The following PRKCA variants were observed in gnomAD, a reference collection of about 807,000 sequenced individuals.
The protein encoded by PRKCA is protein kinase C alpha, also known as protein kinase C alpha type.
In PRKCA, 27 loss-of-function variants were observed where a neutral mutation model predicts 87.0. The observed-to-expected ratio is 0.31, with a 90% CI of 0.23 to 0.43. The LOEUF is 0.43. PRKCA is among the 20% of genes least tolerant of loss of function. The pLI is 1.00. For synonymous variants in PRKCA, 329 were observed against 311.1 expected (o/e 1.06, Z -0.61); for missense variants, 518 against 852.3 (o/e 0.61, Z 4.88).
At chr17:66,478,825 T>C (rs1394838845) in intron 2 of PRKCA, among the ~76,000 whole-genome samples, 1 of 152,136 alleles carries the variant, frequency 6.6e-6, no homozygotes, top group Non-Finnish European at 1.5e-5. Context: ...TTTAAAACAG[T>C]AAATAGCCCC....
At chr17:66,775,613 G>C (rs1004992057) in intron 14 of PRKCA, 2 of 985,392 alleles carry the variant, frequency 2.0e-6, no homozygotes, top group Non-Finnish European at 1.2e-6. Flanking sequence ...ACTCTCCATA[G>C]CCAGAAGCCT....
At chr17:66,542,787 T>A (rs1195950148) in intron 3 of PRKCA, among the ~76,000 whole-genome samples, 1 of 152,208 alleles carries the variant, frequency 6.6e-6, no homozygotes, top group Non-Finnish European at 1.5e-5. Context: ...AAGTACAGAT[T>A]AATGCTTTTT....
At chr17:66,431,276 G>A (rs556200850) in intron 2 of PRKCA, among the ~76,000 whole-genome samples, 7 of 152,174 alleles carry the variant, frequency 4.6e-5, no homozygotes, top group Non-Finnish European at 7.4e-5. Flanking sequence ...TTTATGTTGC[G>A]CAATATTCAT....
chr17:66,731,775 C>CTTTTT (rs796884841), intron 8 of PRKCA, among the ~76,000 whole-genome samples: 3 of 71,420 alleles, frequency 4.2e-5, no homozygotes, highest in Non-Finnish European at 7.8e-5. Flanking sequence ...TGCTCCCTTT[C>CTTTTT]TTTTTTTTTT....
intron 3 of PRKCA, among the ~76,000 whole-genome samples, chr17:66,544,380 A>G (rs1419308909): frequency 1.3e-5 from 2 of 152,312 alleles, no homozygotes; most frequent in African/African-American, 4.8e-5. Context: ...ATATTGACAT[A>G]TTTTGTTTAA....
chr17:66,623,274 ATTT>A (rs1045590443), intron 3 of PRKCA, among the ~76,000 whole-genome samples: 1 of 151,526 alleles, frequency 6.6e-6, no homozygotes, highest in Non-Finnish European at 1.5e-5. Flanking sequence ...CCTCAGCCAG[ATTT>A]TTTTTTGCCT....
At chr17:66,466,515 C>G (rs192120415) in intron 2 of PRKCA, among the ~76,000 whole-genome samples, 1 of 152,264 alleles carries the variant, frequency 6.6e-6, no homozygotes, top group East Asian at 1.9e-4. Flanking sequence ...TTCTCTTCCT[C>G]CACGTTTTCT....
At chr17:66,625,970 G>A (rs1258764473) in intron 3 of PRKCA, among the ~76,000 whole-genome samples, 1 of 152,166 alleles carries the variant, frequency 6.6e-6, no homozygotes, top group African/African-American at 2.4e-5. Context: ...AGTTAAGGTG[G>A]ACTCTGCACA....
At chr17:66,722,980 C>A (rs1367627508) in intron 8 of PRKCA, among the ~76,000 whole-genome samples, 1 of 152,152 alleles carries the variant, frequency 6.6e-6, no homozygotes, top group Non-Finnish European at 1.5e-5. Flanking sequence ...CAGTCTTAAC[C>A]CAGACCCCTT....
In PRKCA at chr17:66,645,373, T is replaced by C. The variant is rs768937371; in HGVS notation, c.401-10T>C. 5.6e-6 allele frequency: 9 copies of C among 1,614,030 alleles called. No individual in the cohort carries two copies. In the Admixed American group the frequency reaches 1.0e-4, roughly 18 times the overall value. On this transcript the variant is annotated splice_polypyrimidine_tract_variant and intron_variant, in intron 4 of 16. Coordinates refer to ENST00000413366, the MANE Select transcript of PRKCA (RefSeq NM_002737.3). Reference sequence around the variant, plus strand: ...ATGCCCAGCTCACCCTCTCCTTTCTTGATTCACAGCCTGCGATATGAACGT... The same window carrying C: ...ATGCCCAGCTCACCCTCTCCTTTCTCGATTCACAGCCTGCGATATGAACGT...
At chr17:66,399,568 A>G (rs1910897466) in intron 2 of PRKCA, among the ~76,000 whole-genome samples, 2 of 152,156 alleles carry the variant, frequency 1.3e-5, no homozygotes, top group Non-Finnish European at 1.5e-5. Context: ...GAACTTTTTC[A>G]TCTTGCAAAA....
intron 2 of PRKCA, among the ~76,000 whole-genome samples, chr17:66,454,021 CTTTA>C (rs1914462577): frequency 6.6e-6 from 1 of 152,216 alleles, no homozygotes; most frequent in African/African-American, 2.4e-5. Context: ...CTTATGTAGA[CTTTA>C]TTTATGTCTG....
chr17:66,506,015 G>A (rs1041197785), intron 3 of PRKCA, among the ~76,000 whole-genome samples: 6 of 152,158 alleles, frequency 3.9e-5, no homozygotes, highest in Admixed American at 2.0e-4. Flanking sequence ...TTACTTGGAG[G>A]CCAGGCGCTG....
chr17:66,320,836 A>T (rs1174542398), intron 2 of PRKCA, among the ~76,000 whole-genome samples: 1 of 152,246 alleles, frequency 6.6e-6, no homozygotes, highest in Non-Finnish European at 1.5e-5. Context: ...CTCATTAGTT[A>T]ATCTACAAAT....
chr17:66,418,403 A>G (rs1437917823), intron 2 of PRKCA, among the ~76,000 whole-genome samples: 1 of 151,980 alleles, frequency 6.6e-6, no homozygotes, highest in African/African-American at 2.4e-5. Context: ...AAAAAGGTAC[A>G]GTGATTCAGT....
intron 8 of PRKCA, among the ~76,000 whole-genome samples, chr17:66,716,660 G>A (rs532791679): frequency 6.6e-5 from 10 of 152,168 alleles, no homozygotes; most frequent in Admixed American, 5.9e-4. Flanking sequence ...AGACAAATCT[G>A]GGAAACAGGG....
At chr17:66,384,101 A>G (rs2072843555) in intron 2 of PRKCA, among the ~76,000 whole-genome samples, 1 of 151,984 alleles carries the variant, frequency 6.6e-6, no homozygotes, top group Admixed American at 6.6e-5. Context: ...TATATGTAGA[A>G]TATATATATA....
chr17:66,588,635 CTTTTTTTTTTTTTT>C (rs397856363), intron 3 of PRKCA, among the ~76,000 whole-genome samples: 48 of 39,112 alleles, frequency 1.2e-3, no homozygotes, highest in African/African-American at 3.9e-3. Context: ...TTTTGCTTTG[CTTTTTTTTTTTTTT>C]TTTTTTTTTT....
chr17:66,538,781 C>T (rs553839343), intron 3 of PRKCA, among the ~76,000 whole-genome samples: 8 of 152,250 alleles, frequency 5.3e-5, no homozygotes, highest in East Asian at 3.9e-4. Context: ...GAATGAGTAC[C>T]GTAGCAAAAC....
Sources: allele counts gnomAD v4.1 joint callset (sites outside exome capture counted in the v4.1 genomes callset), GRCh38; gene constraint gnomAD v4.1.1; transcripts MANE v1.5; gene names NCBI Gene and HGNC (gene_info 2026-07-23, HGNC 2026-07-21).